ITIH2: variants seen among roughly 807,000 people sequenced by gnomAD.
ITIH2 encodes inter-alpha-trypsin inhibitor heavy chain 2, also known as inter-alpha-trypsin inhibitor heavy chain H2.
ITIH2 carries 103 observed loss-of-function variants against 104.4 expected under a neutral mutation model. The observed-to-expected ratio is 0.99, with a 90% CI of 0.84 to 1.16. ITIH2 has a LOEUF of 1.16. Ranked by LOEUF, ITIH2 falls within the 50% of genes most tolerant of loss-of-function variation. The pLI is 0.00. For synonymous variants in ITIH2, 436 were observed against 435.4 expected, an observed-to-expected ratio of 1.00 and a Z score of -0.02; for missense variants, 1,108 against 1,162.4, an observed-to-expected ratio of 0.95 and a Z score of 0.68.
chr10:7,707,236 A>T lies in ITIH2; in HGVS notation c.192+3A>T. On this transcript the variant is annotated splice_donor_region_variant and intron_variant, in intron 3 of 20. Coordinates refer to ENST00000358415, the MANE Select transcript of ITIH2 (RefSeq NM_002216.3). ...CAGGAGAATCGGAAGAAATGATGGT[A>T]AGTTGACTTGATGTTGTTACAGATT... 1 of 1,595,886 alleles carries T rather than the reference A, an allele frequency of 6.3e-7. No homozygotes were observed. Among genetic ancestry groups the T allele is most frequent in the Non-Finnish European group, 8.6e-7 (1 of 1,165,286 alleles).
At chr10:7,748,225 TATATAAATAAATATATGTATAC>T (rs770807389) in intron 20 of ITIH2, among the ~76,000 whole-genome samples, 474 of 112,394 alleles carry the variant, frequency 4.2e-3, no homozygotes, top group Middle Eastern at 0.014. Context: ...TATATATACA[TATATAAATAAATATATGTATAC>T]ATATATATAT....
At chr10:7,743,326 G>A (rs1330432668) in intron 17 of ITIH2, 67 bp downstream of exon 17, 4 of 805,668 alleles carry the variant, frequency 5.0e-6, no homozygotes, top group Non-Finnish European at 8.3e-6. Flanking sequence ...CACTGCCTGG[G>A]ATTTCTTTCT....
intron 2 of ITIH2, among the ~76,000 whole-genome samples, chr10:7,705,923 C>T (rs372678369): frequency 1.8e-4 from 27 of 152,004 alleles, no homozygotes; most frequent in African/African-American, 6.5e-4. Context: ...GCAATCCTGG[C>T]GGCCACCAGC....
intron 12 of ITIH2, 27 bp downstream of exon 12, chr10:7,730,160 A>C: frequency 2.0e-6 from 3 of 1,528,228 alleles, no homozygotes; most frequent in Non-Finnish European, 2.7e-6. Context: ...TTCTTTTTTT[A>C]TTCTTCACTG....
intron 15 of ITIH2, 37 bp from the exon 16 acceptor site, chr10:7,738,584 A>T: frequency 6.2e-7 from 1 of 1,611,536 alleles, no homozygotes; most frequent in Non-Finnish European, 8.5e-7. Context: ...TGGAAACGTA[A>T]ATCTAGAAAC....
At chr10:7,727,245 A>C (rs1392173680) in intron 10 of ITIH2, 127 bp downstream of exon 10, 3 of 725,786 alleles carry the variant, frequency 4.1e-6, no homozygotes, top group Admixed American at 3.1e-5. Flanking sequence ...TAAATAATAC[A>C]TTTATTGGTA....
At chr10:7,723,731 G>A (rs1834928353) in intron 9 of ITIH2, among the ~76,000 whole-genome samples, 164 bp downstream of exon 9, 1 of 152,062 alleles carries the variant, frequency 6.6e-6, no homozygotes, top group Non-Finnish European at 1.5e-5. Flanking sequence ...TGCTATTATT[G>A]CATTTCACAG....
At position 7,721,713 on chromosome 10, in the gene ITIH2, C is replaced by A. The variant is rs141514196; in HGVS notation, c.803C>A (p.Ala268Glu). The A allele has an allele frequency of 1.9e-6, 3 of 1,613,608 alleles. No homozygotes were observed. The highest frequency in any genetic ancestry group is 2.5e-6 in the Non-Finnish European group (3 of 1,179,684). The change falls in exon 8 of 21, where the codon GCG becomes GAG. Residue 268 changes from alanine (A) to glutamate (E), a missense_variant. Physicochemically the swap from Ala to Glu is moderately radical, Grantham distance 107. Coordinates refer to ENST00000358415, the MANE Select transcript of ITIH2 (RefSeq NM_002216.3). Reference protein sequence around the residue: ...QRICPNCRETAVDGELVVLYD... With the variant: ...QRICPNCRETEVDGELVVLYD... Reference sequence around the variant, plus strand: ...ATATGCCCTAACTGCCGGGAGACTGCGGTAGATGGGGAACTGGTGGTGCTG... The same window carrying A: ...ATATGCCCTAACTGCCGGGAGACTGAGGTAGATGGGGAACTGGTGGTGCTG...
intron 16 of ITIH2, 26 bp downstream of exon 16, chr10:7,738,784 T>A (rs577288568): frequency 6.5e-7 from 1 of 1,550,180 alleles, no homozygotes; most frequent in Admixed American, 1.9e-5. Flanking sequence ...TGCTTGCACG[T>A]CCCAGAACTC....
intron 20 of ITIH2, among the ~76,000 whole-genome samples, chr10:7,748,521 CTTTTTTTTTTTTTT>C (rs549517172): frequency 1.8e-3 from 48 of 27,132 alleles, no homozygotes; most frequent in South Asian, 2.9e-3. Context: ...CCAATGCATT[CTTTTTTTTTTTTTT>C]TTTTTTTTTT....
At chr10:7,725,922 A>ATAATTGGTGATAGAGAC (rs1431745158) in intron 9 of ITIH2, among the ~76,000 whole-genome samples, 2 of 152,226 alleles carry the variant, frequency 1.3e-5, no homozygotes, top group Non-Finnish European at 2.9e-5. Flanking sequence ...ATAGAGACTA[A>ATAATTGGTGATAGAGAC]TAAAAACAAT....
At chr10:7,747,207 C>G (rs1052997929) in intron 20 of ITIH2, among the ~76,000 whole-genome samples, 1 of 152,144 alleles carries the variant, frequency 6.6e-6, no homozygotes, top group African/African-American at 2.4e-5. Context: ...AAAAGTCTTA[C>G]AAATCTTGAT....
In ITIH2 at chr10:7,707,252, G is replaced by T. The variant is rs775381000; in HGVS notation, c.192+19G>T. ...AATGATGGTAAGTTGACTTGATGTT[G>T]TTACAGATTGAATGATTTTCCTGTT... On this transcript the variant is annotated intron_variant, in intron 3 of 20. Transcript: ENST00000358415. 6.4e-7 allele frequency: 1 copy of T among 1,572,166 alleles called. No homozygotes were observed. Among genetic ancestry groups the T allele is most frequent in the East Asian group, 2.2e-5 (1 of 44,644 alleles).
Position 7,705,179 on chromosome 10 carries a change from T to A in ITIH2, c.156T>A (p.Tyr52Ter). 6.2e-7 allele frequency: 1 copy of A among 1,606,136 alleles called. No individual in the cohort carries two copies. Among genetic ancestry groups the A allele is most frequent in the Non-Finnish European group, 8.5e-7 (1 of 1,173,090 alleles). The change falls in exon 2 of 21, where the codon TAT becomes TAA. Residue 52 changes from tyrosine to a stop codon, truncating the protein, a stop_gained. Coordinates refer to ENST00000358415, the MANE Select transcript of ITIH2 (RefSeq NM_002216.3). LOFTEE classifies it high-confidence loss of function. ...AATTGGTGGCAGAGAACCGGAGATA[T>A]CAGGTATAGTAAGGTTTACTCCCAA... is the stretch of plus-strand genomic sequence containing the variant. Reference protein sequence around the residue: ...KFQLVAENRRYQRSLPGESEE... With the variant: ...KFQLVAENRR
Position 7,703,380 on chromosome 10 carries a change from T to A in ITIH2, c.-55T>A. On this transcript the variant is annotated 5_prime_UTR_variant, in exon 1 of 21. Transcript: ENST00000358415. ...TTGAACTTGGTTCAGTAGGAAGAAG[T>A]GATATCCTCCCCAGACCATCTGCTT... is the stretch of plus-strand genomic sequence containing the variant. The A allele has an allele frequency of 8.4e-7, 1 of 1,194,322 alleles. No individual in the cohort carries two copies. The highest frequency in any genetic ancestry group is 1.3e-6 in the Non-Finnish European group (1 of 797,848). 74.0% of individuals were successfully genotyped at this position (1,194,322 alleles called of 1,614,324 possible).
intron 19 of ITIH2, 83 bp downstream of exon 19, chr10:7,745,046 G>A: frequency 1.6e-6 from 2 of 1,229,278 alleles, no homozygotes; most frequent in South Asian, 1.3e-5. Flanking sequence ...TACAAGTTGA[G>A]GACATGGCAG....
At chr10:7,737,016 A>G (rs1180281019) in intron 15 of ITIH2, among the ~76,000 whole-genome samples, 1 of 152,094 alleles carries the variant, frequency 6.6e-6, no homozygotes, top group South Asian at 2.1e-4. Flanking sequence ...TTGAAAGCAA[A>G]GAATTGGAAG....
intron 1 of ITIH2, among the ~76,000 whole-genome samples, chr10:7,704,529 T>C (rs927239068): frequency 6.6e-6 from 1 of 152,214 alleles, no homozygotes; most frequent in African/African-American, 2.4e-5. Context: ...TCTACCCAGA[T>C]ACTTCCCCAG....
rs1834864245 is a variant in ITIH2 at position 7,717,733 on chromosome 10, G to A, written c.575G>A (p.Gly192Asp). ...CAGGAGGTGAAGTGGAGGAAGCTGG[G>A]CTCCTATGAGCACAGGATCTATCTG... is the stretch of plus-strand genomic sequence containing the variant. Reference protein sequence around the residue: ...HYQEVKWRKLGSYEHRIYLQP... With the variant: ...HYQEVKWRKLDSYEHRIYLQP... The change falls in exon 6 of 21, where the codon GGC (glycine) becomes GAC (aspartate). Residue 192 changes from glycine (G) to aspartate (D), a missense_variant. Coordinates refer to ENST00000358415, the MANE Select transcript of ITIH2 (RefSeq NM_002216.3). 1 of 1,612,982 alleles carries A rather than the reference G, an allele frequency of 6.2e-7. No homozygotes were observed. The highest frequency in any genetic ancestry group is 1.1e-5 in the South Asian group (1 of 91,024).
Sources: gnomAD v4.1 joint callset for allele counts (sites outside exome capture counted in the v4.1 genomes callset) on GRCh38, gnomAD v4.1.1 for gene constraint, MANE v1.5 for transcripts, NCBI Gene and HGNC (gene_info 2026-07-23, HGNC 2026-07-21) for gene names.